Variants in MYT1L observed in about 807,000 individuals in gnomAD.
MYT1L encodes myelin transcription factor 1 like.
MYT1L carries 12 observed loss-of-function variants against 126.7 expected under a neutral mutation model. The ratio of observed to expected loss-of-function variants is 0.09; its 90% CI spans 0.06 to 0.15. The LOEUF is 0.15. MYT1L is among the 10% of genes least tolerant of loss of function. The probability of loss-of-function intolerance (pLI) is 1.00; values close to 1 mark genes in which losing one functional copy is unlikely to be tolerated. For missense variants in MYT1L, 979 were observed against 1,585.2 expected, an observed-to-expected ratio of 0.62 and a Z score of 6.49; for synonymous variants, 541 against 604.2, an observed-to-expected ratio of 0.90 and a Z score of 1.53.
chr2:2,115,128 TC>T (rs2080027637), intron 3 of MYT1L, among the ~76,000 whole-genome samples: 1 of 152,330 alleles, frequency 6.6e-6, no homozygotes, highest in African/African-American at 2.4e-5. Context: ...TTAACACTTT[TC>T]CCTGCTCCTC....
At chr2:1,892,692 C>T (rs1184969448) in intron 14 of MYT1L, among the ~76,000 whole-genome samples, 1 of 151,960 alleles carries the variant, frequency 6.6e-6, no homozygotes, top group Non-Finnish European at 1.5e-5. Context: ...AGTCGAGGCC[C>T]TAAGCGTGAG....
intron 3 of MYT1L, among the ~76,000 whole-genome samples, chr2:2,145,120 C>A (rs935270424): frequency 6.6e-6 from 1 of 152,170 alleles, no homozygotes; most frequent in African/African-American, 2.4e-5. Flanking sequence ...TCTTTCAGGG[C>A]CATTGAAGGA....
chr2:1,953,499 T>C (rs1164267983), intron 8 of MYT1L, among the ~76,000 whole-genome samples: 2 of 152,254 alleles, frequency 1.3e-5, no homozygotes, highest in Admixed American at 1.3e-4. Context: ...ATCCTGGAAT[T>C]CAGGGTCATG....
chr2:2,179,926 A>T lies in MYT1L; in HGVS notation c.-420-6938T>A, dbSNP rs577488858. 2.0e-5 allele frequency among the ~76,000 whole-genome samples: 3 copies of T among 152,278 alleles called. No individual in the cohort carries two copies. In the South Asian group the frequency reaches 6.2e-4, roughly 32 times the overall value. ...AATCCCATCATTTCTCTACTCAAAG[A>T]CTTTTAGATCATTCTGGCCCTCAGG... On this transcript the variant is annotated intron_variant, in intron 2 of 24. Transcript: ENST00000647738.
chr2:1,979,359 T>C lies in MYT1L; in HGVS notation c.90-132A>G, dbSNP rs1297978796. On this transcript the variant is annotated intron_variant, in intron 7 of 24. Transcript: ENST00000647738. The surrounding 1 kb of genome is among the most constrained non-coding windows in gnomAD (Gnocchi z 4.0). ...TCACACAATCCAAAGGAGGGGGAAA[T>C]TCGGGGAGGCTTTTTACGAGCAAGT... is the stretch of plus-strand genomic sequence containing the variant. 2 of 1,098,426 alleles carry C rather than the reference T, an allele frequency of 1.8e-6. No homozygotes were observed. Among genetic ancestry groups the C allele is most frequent in the Non-Finnish European group, 2.7e-6 (2 of 734,218 alleles). The allele number at this position is 1,098,426 out of a possible 1,614,324, so 68.0% of individuals were successfully genotyped here.
intron 9 of MYT1L, among the ~76,000 whole-genome samples, chr2:1,928,952 G>A (rs1009021187): frequency 6.6e-6 from 1 of 152,156 alleles, no homozygotes; most frequent in African/African-American, 2.4e-5. Context: ...AGACAGTTGA[G>A]AGCCAGGATA....
chr2:1,989,383 G>A (rs1293603408), intron 5 of MYT1L, among the ~76,000 whole-genome samples: 1 of 152,088 alleles, frequency 6.6e-6, no homozygotes, highest in Admixed American at 6.6e-5. Flanking sequence ...GAGAAACCCA[G>A]CCCAGGAGCT....
chr2:1,830,476 G>A (rs1029386261), intron 21 of MYT1L, among the ~76,000 whole-genome samples: 1 of 152,048 alleles, frequency 6.6e-6, no homozygotes, highest in Non-Finnish European at 1.5e-5. Context: ...GGAGATGGAG[G>A]AAAGGGTGTT....
intron 3 of MYT1L, among the ~76,000 whole-genome samples, chr2:2,095,442 G>A (rs906063124): frequency 2.6e-5 from 4 of 152,274 alleles, no homozygotes; most frequent in South Asian, 2.1e-4. Context: ...GGACTGTGGC[G>A]TCATAAGAAA....
chr2:2,217,987 C>T lies in MYT1L; in HGVS notation c.-420-44999G>A, dbSNP rs150311574. 2.6e-4 allele frequency among the ~76,000 whole-genome samples: 39 copies of T among 152,204 alleles called. 1 individual carries two copies. The East Asian group carries it at 5.6e-3, about 22-fold the overall frequency. On this transcript the variant is annotated intron_variant, in intron 2 of 24. Coordinates refer to ENST00000647738, the MANE Select transcript of MYT1L (RefSeq NM_001303052.2). Reference sequence around the variant, plus strand: ...TGAAAAGATGCTTAGCATCAGTAGACATTAGGGAAATGCCAACTAAAACCA... The same window carrying T: ...TGAAAAGATGCTTAGCATCAGTAGATATTAGGGAAATGCCAACTAAAACCA...
chr2:1,968,526 G>A (rs1180870646), intron 8 of MYT1L, among the ~76,000 whole-genome samples: 1 of 152,190 alleles, frequency 6.6e-6, no homozygotes, highest in Non-Finnish European at 1.5e-5. Context: ...CTGCAGAGTG[G>A]CTACCGAATT....
rs754628695 is a variant in MYT1L at position 1,929,534 on chromosome 2, T to C, written c.506-6271A>G. On this transcript the variant is annotated intron_variant, in intron 9 of 24. Transcript: ENST00000647738. The surrounding 1 kb of genome is among the most constrained non-coding windows in gnomAD (Gnocchi z 4.7). ...CACCGTCACGCTTCCCTACTACATC[T>C]AACTCAGCAGTGCTTCTGTGTGTCT... Among the ~76,000 whole-genome samples the C allele has an allele frequency of 1.3e-5, 2 of 152,242 alleles. No homozygotes were observed. Among genetic ancestry groups the C allele is most frequent in the Non-Finnish European group, 2.9e-5 (2 of 68,046 alleles).
At chr2:1,829,068 T>A (rs2039753968) in intron 21 of MYT1L, among the ~76,000 whole-genome samples, 1 of 152,094 alleles carries the variant, frequency 6.6e-6, no homozygotes, top group South Asian at 2.1e-4. Flanking sequence ...CTTCCCTCCC[T>A]CTTCTGCCCC....
rs1231909002 is a variant in MYT1L at position 2,030,599 on chromosome 2, T to C, written c.-158+23379A>G. ...CTTCATTATAATTTAAACATGTCAA[T>C]TTTAGATACTTTATTTTTGGTTTTA... On this transcript the variant is annotated intron_variant, in intron 4 of 24. Coordinates refer to ENST00000647738, the MANE Select transcript of MYT1L (RefSeq NM_001303052.2). Among the ~76,000 whole-genome samples, 3 of 152,220 alleles carry C rather than the reference T, an allele frequency of 2.0e-5. No individual in the cohort carries two copies. In the East Asian group the frequency reaches 5.8e-4, roughly 29 times the overall value.
chr2:2,288,596 T>C (rs1312808075), intron 1 of MYT1L, among the ~76,000 whole-genome samples: 1 of 152,258 alleles, frequency 6.6e-6, no homozygotes, highest in Non-Finnish European at 1.5e-5. Flanking sequence ...TTGTTGATAT[T>C]ATCATATTTA....
intron 8 of MYT1L, among the ~76,000 whole-genome samples, chr2:1,953,135 G>A (rs1420205173): frequency 2.0e-5 from 3 of 151,838 alleles, no homozygotes; most frequent in African/African-American, 4.8e-5. Context: ...GCTAATTTTT[G>A]TATTTTTTGT....
At chr2:2,038,306 A>G (rs1233366509) in intron 4 of MYT1L, among the ~76,000 whole-genome samples, 2 of 152,144 alleles carry the variant, frequency 1.3e-5, no homozygotes, top group Admixed American at 6.5e-5. Flanking sequence ...ATACAATTTT[A>G]AGTGTGTCTT....
chr2:1,831,142 G>A (rs574749077), intron 21 of MYT1L, among the ~76,000 whole-genome samples: 5 of 146,144 alleles, frequency 3.4e-5, no homozygotes, highest in African/African-American at 7.4e-5. Flanking sequence ...GGTGCCCGAC[G>A]CGTGTGTGAA....
chr2:1,949,118 A>C (rs554599150), intron 8 of MYT1L, among the ~76,000 whole-genome samples: 5 of 152,236 alleles, frequency 3.3e-5, no homozygotes, highest in African/African-American at 1.2e-4. Context: ...GTGTGTCCAT[A>C]ACATGATTCT....
Sources: allele counts gnomAD v4.1 joint callset (sites outside exome capture counted in the v4.1 genomes callset), GRCh38; gene constraint gnomAD v4.1.1; non-coding constraint Gnocchi (gnomAD v3.1); transcripts MANE v1.5; gene names NCBI Gene and HGNC (gene_info 2026-07-23, HGNC 2026-07-21).